SYT3: variants seen among roughly 807,000 people sequenced by gnomAD.
The protein encoded by SYT3 is synaptotagmin-3.
Under a neutral mutation model 50.6 loss-of-function variants are expected in SYT3, and 25 were observed. That is an observed-to-expected ratio of 0.49 (90% CI 0.36 to 0.69). The LOEUF (loss-of-function observed/expected upper bound fraction) is 0.69, where lower values mean the gene tolerates loss of function less well. Ranked by LOEUF, SYT3 falls within the 30% of genes least tolerant of loss-of-function variation. The pLI, the probability that SYT3 is intolerant of heterozygous loss-of-function variation, is 0.00. For synonymous variants in SYT3, 323 were observed against 353.9 expected (o/e 0.91, Z 0.98); for missense variants, 589 against 793.6 (o/e 0.74, Z 3.10).
chr19:50,652,223 T>C, the SYT3 span, among the ~76,000 whole-genome samples: 4 of 152,214 alleles, frequency 2.6e-5, no homozygotes, highest in African/African-American at 9.7e-5. Context: ...ATTGTATTTT[T>C]TTATAGTTGG....
chr19:50,636,477 T>C (rs755671250), intron 3 of SYT3, among the ~76,000 whole-genome samples: 10 of 152,230 alleles, frequency 6.6e-5, no homozygotes, highest in Non-Finnish European at 1.2e-4. Flanking sequence ...CTGGACATCC[T>C]GCACATGAGG....
At chr19:50,631,362 C>A (rs944178149) in intron 4 of SYT3, among the ~76,000 whole-genome samples, 5 of 152,018 alleles carry the variant, frequency 3.3e-5, no homozygotes, top group South Asian at 4.2e-4. Context: ...TGGGGTTTCA[C>A]CATATTGGCC....
the SYT3 span, chr19:50,649,660 G>A: frequency 4.4e-6 from 4 of 904,970 alleles, no homozygotes; most frequent in Admixed American, 4.0e-5. Flanking sequence ...CAGATTCCTG[G>A]AGAGCGGCCC....
At chr19:50,658,024 A>G in the SYT3 span, 1 of 1,535,508 alleles carries the variant, frequency 6.5e-7, no homozygotes, top group Non-Finnish European at 8.7e-7. Flanking sequence ...AGGTGCTGCA[A>G]GCCCTGGAGG....
the SYT3 span, among the ~76,000 whole-genome samples, chr19:50,650,619 C>T: frequency 7.9e-5 from 12 of 152,046 alleles, no homozygotes; most frequent in Non-Finnish European, 1.5e-4. Context: ...TGCAGCGAGC[C>T]AAGATTGTGC....
At position 50,635,803 on chromosome 19, in the gene SYT3, C is replaced by T. The variant is rs73932543; in HGVS notation, c.148+1461G>A. 7.0e-3 allele frequency among the ~76,000 whole-genome samples: 1,070 copies of T among 152,268 alleles called. 8 individuals carry two copies. The highest frequency in any genetic ancestry group is 0.024 in the African/African-American group (1,013 of 41,568). ...ATAGACTGTGCATGCTGTCACATGTCGTTGCTGGGAAAATTAAGCACTGTC... is the reference window on the plus strand; with the variant it reads ...ATAGACTGTGCATGCTGTCACATGTTGTTGCTGGGAAAATTAAGCACTGTC... On this transcript the variant is annotated intron_variant, in intron 3 of 10. Coordinates refer to ENST00000600079, the MANE Select transcript of SYT3 (RefSeq NM_001160329.2).
At chr19:50,649,053 AAGGAGGGAGG>A in the SYT3 span, among the ~76,000 whole-genome samples, 1 of 149,360 alleles carries the variant, frequency 6.7e-6, no homozygotes, top group Admixed American at 6.7e-5. Context: ...CCCAGGAGAG[AAGGAGGGAGG>A]AGGAGGGCAG....
Position 50,625,968 on chromosome 19 carries a change from G to A in SYT3, c.1331C>T (p.Thr444Met). 1 of 1,614,106 alleles carries A rather than the reference G, an allele frequency of 6.2e-7. No individual in the cohort carries two copies. Among genetic ancestry groups the A allele is most frequent in the Non-Finnish European group, 8.5e-7 (1 of 1,179,994 alleles). ...GATGGTCACGGTGAGGCGCCCGGCC[G>A]TGGGGAGGTAGCAGAGTGAGAAGTT... ...ELNFSLCYLP[T>M]AGRLTVTIIK... is the part of the protein sequence containing the mutation. Residue 444 changes from threonine to methionine, a missense_variant, in exon 7 of 11, where the codon ACG becomes ATG. Around this residue, in one of 2 missense-constraint regions of SYT3, gnomAD observed 273 missense variants for 439.3 expected, o/e 0.62. Transcript: ENST00000600079. The surrounding 1 kb of genome is among the most constrained non-coding windows in gnomAD (Gnocchi z 7.5).
chr19:50,623,618 A>AG, intron 9 of SYT3, among the ~76,000 whole-genome samples: 1 of 14,908 alleles, frequency 6.7e-5, no homozygotes, highest in East Asian at 3.5e-4. Context: ...CTCTACAAAA[A>AG]AAAAAAAAAA....
chr19:50,649,891 C>T, the SYT3 span: 5 of 459,424 alleles, frequency 1.1e-5, no homozygotes, highest in Admixed American at 4.7e-5. Context: ...ATGGCCCCAC[C>T]GCCAACCCAG....
In SYT3 at chr19:50,625,761, TC is replaced by T; in HGVS notation, c.1402+135del. ...CCCAGGAGTCCAGGCCCCTGGCCCC[TC>T]CTCCCTCAGACCCAGGAGTCCAGAT... On this transcript the variant is annotated intron_variant, in intron 7 of 10. Coordinates refer to ENST00000600079, the MANE Select transcript of SYT3 (RefSeq NM_001160329.2). The surrounding 1 kb of genome is among the most constrained non-coding windows in gnomAD (Gnocchi z 7.5). 3.7e-6 allele frequency: 3 copies of T among 813,306 alleles called. No homozygotes were observed. Among genetic ancestry groups the T allele is most frequent in the Non-Finnish European group, 3.7e-6 (2 of 542,128 alleles). 50.4% of individuals were successfully genotyped at this position (813,306 alleles called of 1,614,324 possible). A position where few individuals can be genotyped will look rare whatever the true frequency, so the allele number is the denominator to read the frequency against.
chr19:50,633,879 G>A (rs1332957427), intron 3 of SYT3, among the ~76,000 whole-genome samples: 3 of 152,224 alleles, frequency 2.0e-5, no homozygotes, highest in Admixed American at 2.0e-4. Context: ...GTAGGTGGTA[G>A]AGTCAGGATT....
chr19:50,647,356 G>A, the SYT3 span, among the ~76,000 whole-genome samples: 2 of 151,970 alleles, frequency 1.3e-5, no homozygotes, highest in Non-Finnish European at 2.9e-5. Flanking sequence ...CACTTGTGGG[G>A]AGAGGAATGA....
the SYT3 span, chr19:50,649,566 G>A: frequency 1.3e-6 from 2 of 1,513,504 alleles, no homozygotes; most frequent in East Asian, 2.5e-5. Flanking sequence ...CAGGCAGTGC[G>A]TAGTAGCCCG....
intron 9 of SYT3, among the ~76,000 whole-genome samples, chr19:50,624,491 T>C (rs912946185): frequency 6.6e-6 from 1 of 152,184 alleles, no homozygotes; most frequent in Non-Finnish European, 1.5e-5. Context: ...GCTCCTCTTG[T>C]TTTCTATTGA....
intron 4 of SYT3, among the ~76,000 whole-genome samples, chr19:50,631,791 C>T (rs1266707698): frequency 2.0e-5 from 3 of 152,080 alleles, no homozygotes; most frequent in Non-Finnish European, 2.9e-5. Flanking sequence ...GTCGCCTCCC[C>T]TGCGCTGTGA....
the SYT3 span, among the ~76,000 whole-genome samples, chr19:50,646,483 C>G: frequency 1.3e-4 from 20 of 152,146 alleles, no homozygotes; most frequent in Non-Finnish European, 8.8e-5. Context: ...TCCTGAACTT[C>G]CCAGAAGCCT....
At chr19:50,649,704 C>T in the SYT3 span, 1 of 707,328 alleles carries the variant, frequency 1.4e-6, no homozygotes, top group Non-Finnish European at 2.5e-6. Flanking sequence ...CCATGAGCCT[C>T]TGCAGTTCCT....
Position 50,632,507 on chromosome 19 carries a change from C to A in SYT3, c.453G>T (p.Leu151=). ...PFAELLEPGS[L]GGSDTPEPSY... ...AGGGCTCAGGGGTGTCAGAACCCCC[C>A]AGGCTGCCTGGCTCCAGCAGCTCAG... is the stretch of plus-strand genomic sequence containing the variant. The change falls in exon 4 of 11, where the codon CTG becomes CTT. Residue 151 remains leucine (L), a synonymous_variant. Coordinates refer to ENST00000600079, the MANE Select transcript of SYT3 (RefSeq NM_001160329.2). This position sits in a 1 kb window ranked among gnomAD's most constrained non-coding sequence, Gnocchi z 4.7. 1.9e-6 allele frequency: 3 copies of A among 1,611,278 alleles called. No homozygotes were observed. Among genetic ancestry groups the A allele is most frequent in the Non-Finnish European group, 2.5e-6 (3 of 1,179,160 alleles).
Sources: gnomAD v4.1 joint callset for allele counts (sites outside exome capture counted in the v4.1 genomes callset) on GRCh38, gnomAD v4.1.1 for gene constraint, gnomAD v4.1.1 regional missense constraint, Gnocchi (gnomAD v3.1) non-coding constraint, MANE v1.5 for transcripts, NCBI Gene and HGNC (gene_info 2026-07-23, HGNC 2026-07-21) for gene names.